Variants in CAST observed in about 807,000 individuals in gnomAD.
The protein encoded by CAST is MIR583 host.
Under a neutral mutation model 119.6 loss-of-function variants are expected in CAST, and 76 were observed. The observed-to-expected ratio is 0.64, with a 90% CI of 0.53 to 0.77. CAST has a LOEUF of 0.77. Ranked by LOEUF, CAST falls within the 30% of genes least tolerant of loss-of-function variation. The pLI, the probability that CAST is intolerant of heterozygous loss-of-function variation, is 0.00. For missense variants in CAST, 953 were observed against 946.5 expected (o/e 1.01, Z -0.09); for synonymous variants, 319 against 331.6 (o/e 0.96, Z 0.41).
chr5:96,232,727 T>G, the CAST span, among the ~76,000 whole-genome samples: 649 of 152,150 alleles, frequency 4.3e-3, 11 homozygotes, highest in African/African-American at 0.015. Context: ...CAAAAACTTT[T>G]CCTTTCTTCA....
intron 1 of CAST, among the ~76,000 whole-genome samples, chr5:96,615,891 G>T (rs756004013): frequency 2.0e-5 from 3 of 152,076 alleles, no homozygotes; most frequent in Non-Finnish European, 4.4e-5. Context: ...TCCTACAATC[G>T]GCCATCTGCA....
chr5:96,155,056 T>C, the CAST span, among the ~76,000 whole-genome samples: 50,360 of 152,128 alleles, frequency 0.33, 8,567 homozygotes, highest in Middle Eastern at 0.39. Flanking sequence ...GATCTCTTTT[T>C]CCCCAAGGGT....
the CAST span, among the ~76,000 whole-genome samples, chr5:96,361,174 C>A: frequency 6.6e-6 from 1 of 152,112 alleles, no homozygotes; most frequent in Non-Finnish European, 1.5e-5. Flanking sequence ...GGTGGATGCC[C>A]CTCTTCCCAC....
At chr5:96,076,776 A>G in the CAST span, among the ~76,000 whole-genome samples, 1 of 152,020 alleles carries the variant, frequency 6.6e-6, no homozygotes, top group South Asian at 2.1e-4. Context: ...GAAGTTGTTC[A>G]TTTTTTTCTC....
chr5:96,166,273 A>G, the CAST span, among the ~76,000 whole-genome samples: 38 of 152,222 alleles, frequency 2.5e-4, no homozygotes, highest in Non-Finnish European at 5.3e-4. Context: ...ATTTTCTGAT[A>G]ATTTAATACC....
the CAST span, among the ~76,000 whole-genome samples, chr5:96,021,603 GC>G: frequency 6.6e-6 from 1 of 151,882 alleles, no homozygotes; most frequent in Non-Finnish European, 1.5e-5. Context: ...CCGCCACCAC[GC>G]CCAGCTAATT....
chr5:96,083,035 G>A, the CAST span, among the ~76,000 whole-genome samples: 2 of 152,120 alleles, frequency 1.3e-5, no homozygotes, highest in African/African-American at 4.8e-5. Flanking sequence ...CATAGCATAG[G>A]GTATTTGGCT....
intron 1 of CAST, among the ~76,000 whole-genome samples, chr5:96,648,220 T>C (rs1748044626): frequency 6.6e-6 from 1 of 152,216 alleles, no homozygotes; most frequent in Non-Finnish European, 1.5e-5. Flanking sequence ...TTTGCTAAAC[T>C]GTGTGCCTTC....
chr5:96,642,652 G>A (rs893955311), intron 1 of CAST, among the ~76,000 whole-genome samples: 10 of 150,324 alleles, frequency 6.7e-5, no homozygotes, highest in African/African-American at 2.0e-4. Flanking sequence ...AGCAATTCTC[G>A]TGCTTCAGCC....
chr5:96,177,947 C>T, the CAST span, among the ~76,000 whole-genome samples: 13 of 152,160 alleles, frequency 8.5e-5, no homozygotes, highest in East Asian at 3.9e-4. Context: ...CTGTACTCTT[C>T]GCTAGAAATA....
chr5:96,020,725 G>A, the CAST span, among the ~76,000 whole-genome samples: 22 of 152,148 alleles, frequency 1.4e-4, no homozygotes, highest in African/African-American at 5.3e-4. Flanking sequence ...ATTATGAGTT[G>A]TATAATTATT....
the CAST span, among the ~76,000 whole-genome samples, chr5:96,252,028 A>G: frequency 3.3e-5 from 5 of 152,184 alleles, no homozygotes; most frequent in South Asian, 8.3e-4. Flanking sequence ...ATGTAAGGCC[A>G]CACTCTAGGA....
chr5:96,104,198 G>A, the CAST span, among the ~76,000 whole-genome samples: 1 of 152,178 alleles, frequency 6.6e-6, no homozygotes, highest in African/African-American at 2.4e-5. Context: ...TGTTCACTCT[G>A]ATGGTAGTTT....
At chr5:96,496,967 G>A in the CAST span, among the ~76,000 whole-genome samples, 73 of 151,494 alleles carry the variant, frequency 4.8e-4, no homozygotes, top group African/African-American at 1.7e-3. Context: ...CCAGTAACTC[G>A]TCATTTAACA....
At chr5:96,065,055 T>C in the CAST span, among the ~76,000 whole-genome samples, 1,481 of 152,268 alleles carry the variant, frequency 9.7e-3, 31 homozygotes, top group African/African-American at 0.033. Context: ...TTCTGGTACT[T>C]GTTATTCCTG....
At chr5:96,068,591 TTATG>T in the CAST span, among the ~76,000 whole-genome samples, 1 of 120,284 alleles carries the variant, frequency 8.3e-6, no homozygotes, top group Non-Finnish European at 1.7e-5. Flanking sequence ...ACCAATAGGA[TTATG>T]TGTGTGTGTG....
chr5:96,697,022 A>G (rs370985238), intron 3 of CAST, among the ~76,000 whole-genome samples: 1 of 151,424 alleles, frequency 6.6e-6, no homozygotes, highest in East Asian at 2.0e-4. Flanking sequence ...TTAGCTGGGC[A>G]TGGTGTGTGG....
chr5:96,697,974 A>G (rs1483218899), intron 3 of CAST, among the ~76,000 whole-genome samples: 1 of 152,254 alleles, frequency 6.6e-6, no homozygotes, highest in Non-Finnish European at 1.5e-5. Context: ...AAAAAAGATT[A>G]ACTTTTATTG....
At position 96,741,330 on chromosome 5, in the gene CAST, C is replaced by T; in HGVS notation, c.983C>T (p.Thr328Ile). The T allele has an allele frequency of 6.2e-7, 1 of 1,612,404 alleles. No individual in the cohort carries two copies. The highest frequency in any genetic ancestry group is 1.7e-5 in the Admixed American group (1 of 60,002). ...LSSDFTCGSP[T>I]AAGKKTEKEE... ...TCTGACTTCACCTGTGGGTCGCCTA[C>T]AGCTGCTGGAAAGAAAACTGAAAAA... is the stretch of plus-strand genomic sequence containing the variant. The change falls in exon 14 of 32, where the codon ACA becomes ATA. Residue 328 changes from threonine (T) to isoleucine (I), a missense_variant. Coordinates refer to ENST00000675179, the MANE Select transcript of CAST (RefSeq NM_001750.7).
Sources: allele counts gnomAD v4.1 joint callset (sites outside exome capture counted in the v4.1 genomes callset), GRCh38; gene constraint gnomAD v4.1.1; transcripts MANE v1.5; gene names NCBI Gene and HGNC (gene_info 2026-07-23, HGNC 2026-07-21).